The following CDK14 variants were observed in gnomAD, a reference collection of about 807,000 sequenced individuals.
CDK14 encodes cyclin dependent kinase 14.
A neutral mutation model predicts 60.7 loss-of-function variants in CDK14; 34 were observed. That is an observed-to-expected ratio of 0.56 (90% CI 0.43 to 0.75). The LOEUF (loss-of-function observed/expected upper bound fraction) is 0.75, where lower values mean the gene tolerates loss of function less well. Among genes scored for constraint, CDK14 ranks in the 30% least tolerant of loss-of-function variants. CDK14 has a pLI of 0.00. For synonymous variants in CDK14, 197 were observed against 203.7 expected (o/e 0.97, Z 0.28); for missense variants, 482 against 564.1 (o/e 0.85, Z 1.47).
chr7:90,776,830 T>C (rs774124994), intron 4 of CDK14, among the ~76,000 whole-genome samples: 7 of 152,152 alleles, frequency 4.6e-5, no homozygotes, highest in Non-Finnish European at 8.8e-5. Flanking sequence ...TATGAAAAAT[T>C]GGAGAGGCAT....
At chr7:90,858,270 AT>A (rs1179091407) in intron 5 of CDK14, among the ~76,000 whole-genome samples, 1 of 152,222 alleles carries the variant, frequency 6.6e-6, no homozygotes, top group East Asian at 1.9e-4. Context: ...TTTTACTGAA[AT>A]TGTGGGACAA....
chr7:90,855,150 C>T (rs1790780612), intron 5 of CDK14, among the ~76,000 whole-genome samples: 1 of 152,120 alleles, frequency 6.6e-6, no homozygotes, highest in African/African-American at 2.4e-5. Flanking sequence ...AGGAAAGTAA[C>T]TATTTAGAAA....
chr7:90,730,179 A>G (rs993970088), intron 3 of CDK14, among the ~76,000 whole-genome samples: 1 of 152,218 alleles, frequency 6.6e-6, no homozygotes, highest in Admixed American at 6.5e-5. Context: ...CGCAGAGGAC[A>G]TGAACTCATC....
At position 90,639,901 on chromosome 7, in the gene CDK14, G is replaced by A. The variant is rs367591629; in HGVS notation, c.123+35652G>A. Among the ~76,000 whole-genome samples, 27 of 152,218 alleles carry A rather than the reference G, an allele frequency of 1.8e-4. No homozygotes were observed. In the East Asian group the frequency reaches 1.9e-3, roughly 11 times the overall value. The stretch of plus-strand genomic sequence containing the variant: ...CTGTGCTAGCAATCGGCGAGACTCC[G>A]TGGGCGTAGGACCCTCCGAGCCAGG... On this transcript the variant is annotated intron_variant, in intron 2 of 14. Transcript: ENST00000380050.
chr7:90,797,294 G>A (rs532991924), intron 5 of CDK14, among the ~76,000 whole-genome samples: 4 of 151,756 alleles, frequency 2.6e-5, no homozygotes, highest in South Asian at 2.1e-4. Flanking sequence ...GTAGATAGTG[G>A]TCTTCTCCCT....
At chr7:91,169,191 C>T (rs908059193) in intron 14 of CDK14, among the ~76,000 whole-genome samples, 13 of 152,200 alleles carry the variant, frequency 8.5e-5, no homozygotes, top group Non-Finnish European at 1.8e-4. Context: ...AGCTCACCGG[C>T]GTGATACCGC....
intron 14 of CDK14, among the ~76,000 whole-genome samples, chr7:91,203,728 A>G (rs779400862): frequency 1.3e-5 from 2 of 152,212 alleles, no homozygotes; most frequent in Non-Finnish European, 2.9e-5. Flanking sequence ...ACATGGAAGA[A>G]AAAGGACAGT....
intron 5 of CDK14, among the ~76,000 whole-genome samples, chr7:90,799,361 A>G (rs1435853984): frequency 2.0e-5 from 3 of 152,094 alleles, no homozygotes; most frequent in Non-Finnish European, 4.4e-5. Context: ...GAAGTCACTC[A>G]CCTAAGGTTA....
chr7:91,198,710 T>C (rs1025045384), intron 14 of CDK14, among the ~76,000 whole-genome samples: 2 of 152,240 alleles, frequency 1.3e-5, no homozygotes, highest in African/African-American at 4.8e-5. Context: ...ATATTTTGTT[T>C]TGCATGTTTC....
At chr7:90,752,200 A>G (rs760103447) in intron 4 of CDK14, among the ~76,000 whole-genome samples, 4 of 152,108 alleles carry the variant, frequency 2.6e-5, no homozygotes, top group Non-Finnish European at 5.9e-5. Context: ...AGGATATTCC[A>G]CTCATCAACC....
At chr7:91,016,977 G>T (rs1399846998) in intron 10 of CDK14, among the ~76,000 whole-genome samples, 2 of 152,162 alleles carry the variant, frequency 1.3e-5, no homozygotes, top group Non-Finnish European at 2.9e-5. Flanking sequence ...GCAACAAAAT[G>T]ATATTAAGGA....
At chr7:90,907,304 C>T (rs1019738352) in intron 7 of CDK14, among the ~76,000 whole-genome samples, 6 of 151,874 alleles carry the variant, frequency 4.0e-5, no homozygotes, top group African/African-American at 1.4e-4. Flanking sequence ...TGTATTAATT[C>T]TTGATTTTAT....
chr7:90,776,548 C>A (rs1805053930), intron 4 of CDK14, among the ~76,000 whole-genome samples: 1 of 152,112 alleles, frequency 6.6e-6, no homozygotes, highest in Admixed American at 6.6e-5. Context: ...CTTTAAAGTT[C>A]ACACACACAG....
intron 14 of CDK14, among the ~76,000 whole-genome samples, chr7:91,153,163 G>A (rs572537096): frequency 6.6e-6 from 1 of 152,236 alleles, no homozygotes; most frequent in South Asian, 2.1e-4. Context: ...CTAACAAGAA[G>A]CCCTAGACTC....
intron 14 of CDK14, among the ~76,000 whole-genome samples, chr7:91,175,533 G>C (rs1170752611): frequency 2.0e-5 from 3 of 152,084 alleles, no homozygotes; most frequent in Non-Finnish European, 4.4e-5. Flanking sequence ...AAAGAGTCAA[G>C]ACCCATCAGT....
At chr7:90,623,716 CAG>C (rs1453779847) in intron 2 of CDK14, among the ~76,000 whole-genome samples, 1 of 152,140 alleles carries the variant, frequency 6.6e-6, no homozygotes, top group Admixed American at 6.5e-5. Context: ...AGCCATCCCT[CAG>C]AGGTTTGATT....
intron 9 of CDK14, among the ~76,000 whole-genome samples, chr7:90,966,731 A>C (rs1400438433): frequency 6.6e-6 from 1 of 152,144 alleles, no homozygotes; most frequent in African/African-American, 2.4e-5. Flanking sequence ...TTTGCTCTTC[A>C]TACACATTTT....
Position 90,752,686 on chromosome 7 carries a change from C to T in CDK14, c.464+4911C>T, listed in dbSNP as rs559997573. ...AATGCAGAACTGACTGGAATTGAGA[C>T]CTAAAAATATATTAAAAATAAATGA... is the stretch of plus-strand genomic sequence containing the variant. On this transcript the variant is annotated intron_variant, in intron 4 of 14. Coordinates refer to ENST00000380050, the MANE Select transcript of CDK14 (RefSeq NM_001287135.2). Among the ~76,000 whole-genome samples the T allele has an allele frequency of 1.0e-3, 155 of 151,918 alleles. 1 individual carries two copies. The highest frequency in any genetic ancestry group is 6.8e-3 in the Middle Eastern group (2 of 294).
At chr7:90,716,607 A>G (rs1290042914) in intron 2 of CDK14, among the ~76,000 whole-genome samples, 1 of 152,056 alleles carries the variant, frequency 6.6e-6, no homozygotes, top group Non-Finnish European at 1.5e-5. Flanking sequence ...TTCCAATTCC[A>G]TGGTTGTTTA....
Sources: gnomAD v4.1 joint callset for allele counts (sites outside exome capture counted in the v4.1 genomes callset) on GRCh38, gnomAD v4.1.1 for gene constraint, MANE v1.5 for transcripts, NCBI Gene and HGNC (gene_info 2026-07-23, HGNC 2026-07-21) for gene names.